Variants in LRP1B observed in about 807,000 individuals in gnomAD.
LRP1B encodes the protein LDL receptor related protein 1B.
A neutral mutation model predicts 556.6 loss-of-function variants in LRP1B; 217 were observed. That is an observed-to-expected ratio of 0.39 (90% CI 0.35 to 0.44). LRP1B has a LOEUF of 0.44. Among genes scored for constraint, LRP1B ranks in the 20% least tolerant of loss-of-function variants. The pLI is 1.00. For synonymous variants in LRP1B, 2,047 were observed against 1,865.8 expected, an observed-to-expected ratio of 1.10 and a Z score of -2.50; for missense variants, 5,053 against 5,620.8, an observed-to-expected ratio of 0.90 and a Z score of 3.23.
intron 1 of LRP1B, among the ~76,000 whole-genome samples, chr2:141,957,374 TTG>T (rs1196219154): frequency 2.0e-5 from 1 of 48,834 alleles, no homozygotes; most frequent in African/African-American, 8.2e-5. Flanking sequence ...TGGTTCGTGT[TTG>T]TGTGTGTGGG....
chr2:140,371,948 G>C (rs902171118), intron 69 of LRP1B, among the ~76,000 whole-genome samples: 4 of 152,022 alleles, frequency 2.6e-5, no homozygotes, highest in South Asian at 2.1e-4. Context: ...TTATTTACAA[G>C]TGTAATATTT....
intron 83 of LRP1B, among the ~76,000 whole-genome samples, chr2:140,305,178 T>G (rs1573762048): frequency 6.6e-6 from 1 of 152,250 alleles, no homozygotes; most frequent in Non-Finnish European, 1.5e-5. Flanking sequence ...AGTAGTTTTC[T>G]CCAATTCTGT....
chr2:140,566,936 C>T (rs1350875781), intron 43 of LRP1B, among the ~76,000 whole-genome samples: 1 of 152,092 alleles, frequency 6.6e-6, no homozygotes, highest in Non-Finnish European at 1.5e-5. Context: ...AGTTCCTGGG[C>T]TACCTAGAAC....
chr2:140,403,643 A>T (rs927577773), intron 66 of LRP1B, among the ~76,000 whole-genome samples: 5 of 152,158 alleles, frequency 3.3e-5, no homozygotes, highest in African/African-American at 1.2e-4. Flanking sequence ...AATGACAAAA[A>T]CCTATACATA....
At chr2:141,684,245 CAT>C in intron 2 of LRP1B, among the ~76,000 whole-genome samples, 1 of 152,042 alleles carries the variant, frequency 6.6e-6, no homozygotes, top group African/African-American at 2.4e-5. Context: ...AAATGTGGCA[CAT>C]ATACACCGTG....
At chr2:140,460,774 T>G (rs1035641348) in intron 60 of LRP1B, among the ~76,000 whole-genome samples, 3 of 152,196 alleles carry the variant, frequency 2.0e-5, no homozygotes, top group African/African-American at 7.2e-5. Context: ...GCATTATGTA[T>G]TGTACTGTTT....
At chr2:141,569,546 G>T (rs1686455601) in intron 2 of LRP1B, among the ~76,000 whole-genome samples, 1 of 151,128 alleles carries the variant, frequency 6.6e-6, no homozygotes, top group South Asian at 2.1e-4. Context: ...GTTAGATTCT[G>T]TAATGTCTCA....
chr2:140,391,743 TTAACTA>T (rs994568405), intron 66 of LRP1B, among the ~76,000 whole-genome samples: 1 of 152,128 alleles, frequency 6.6e-6, no homozygotes, highest in Non-Finnish European at 1.5e-5. Context: ...TTTATATTAA[TTAACTA>T]TAAGTCATAG....
At chr2:141,470,099 A>C (rs1682404150) in intron 3 of LRP1B, among the ~76,000 whole-genome samples, 1 of 152,196 alleles carries the variant, frequency 6.6e-6, no homozygotes, top group East Asian at 1.9e-4. Flanking sequence ...GGATCTTGGA[A>C]TGTATCCCCC....
At chr2:141,686,080 T>G (rs1204985664) in intron 2 of LRP1B, among the ~76,000 whole-genome samples, 2 of 152,038 alleles carry the variant, frequency 1.3e-5, no homozygotes, top group Non-Finnish European at 2.9e-5. Flanking sequence ...AATGTTCATA[T>G]TAAATTTTGA....
chr2:140,752,090 G>T (rs1202220237), intron 35 of LRP1B, among the ~76,000 whole-genome samples: 2 of 152,002 alleles, frequency 1.3e-5, no homozygotes, highest in African/African-American at 4.8e-5. Context: ...GGCAAGGCGG[G>T]CGGATCACGA....
chr2:140,733,005 G>A (rs939575529), intron 35 of LRP1B, among the ~76,000 whole-genome samples: 1 of 152,136 alleles, frequency 6.6e-6, no homozygotes, highest in African/African-American at 2.4e-5. Context: ...GTGTACTTGT[G>A]TGCATGTATG....
At chr2:140,948,094 T>G (rs565697501) in intron 20 of LRP1B, among the ~76,000 whole-genome samples, 199 of 152,246 alleles carry the variant, frequency 1.3e-3, no homozygotes, top group Admixed American at 3.4e-3. Context: ...CTTTTAAAAA[T>G]TTCATAATAT....
intron 84 of LRP1B, among the ~76,000 whole-genome samples, chr2:140,284,306 C>A (rs1370579655): frequency 7.9e-6 from 1 of 126,400 alleles, no homozygotes; most frequent in Non-Finnish European, 1.7e-5. Flanking sequence ...CCCCCTCCCC[C>A]CCAAAAAAAA....
intron 84 of LRP1B, among the ~76,000 whole-genome samples, chr2:140,287,944 CATTT>C (rs1419910264): frequency 2.6e-5 from 4 of 151,900 alleles, no homozygotes; most frequent in Admixed American, 6.6e-5. Flanking sequence ...AAAATGTCTA[CATTT>C]ATTTAATCAG....
At chr2:141,490,036 A>C (rs1683270766) in intron 2 of LRP1B, among the ~76,000 whole-genome samples, 1 of 152,174 alleles carries the variant, frequency 6.6e-6, no homozygotes, top group African/African-American at 2.4e-5. Context: ...GATTTTGTCC[A>C]GCTGCAGTAC....
At chr2:140,275,636 G>A (rs12479163) in intron 84 of LRP1B, among the ~76,000 whole-genome samples, 49,505 of 151,866 alleles carry the variant, frequency 0.33, 8,567 homozygotes, top group African/African-American at 0.43. Flanking sequence ...CATGGAACTC[G>A]GAGAGGAAAG....
chr2:140,582,324 C>A (rs797001953), intron 43 of LRP1B, among the ~76,000 whole-genome samples: 41 of 152,012 alleles, frequency 2.7e-4, no homozygotes, highest in African/African-American at 9.9e-4. Context: ...ACGTAAAAGC[C>A]CCCTAAGGGA....
At chr2:141,697,044 G>A (rs1010583246) in intron 2 of LRP1B, among the ~76,000 whole-genome samples, 1 of 151,770 alleles carries the variant, frequency 6.6e-6, no homozygotes, top group Non-Finnish European at 1.5e-5. Flanking sequence ...TTATAAATAA[G>A]CATATCACGT....
Sources: allele counts gnomAD v4.1 joint callset (sites outside exome capture counted in the v4.1 genomes callset), GRCh38; gene constraint gnomAD v4.1.1; transcripts MANE v1.5; gene names NCBI Gene and HGNC (gene_info 2026-07-23, HGNC 2026-07-21).